Variants in ARID1B observed in about 807,000 individuals in gnomAD.
The protein encoded by ARID1B is AT-rich interactive domain-containing protein 1B.
Under a neutral mutation model 212.3 loss-of-function variants are expected in ARID1B, and 30 were observed. The ratio of observed to expected loss-of-function variants is 0.14; its 90% CI spans 0.11 to 0.19. The LOEUF is 0.19. Among genes scored for constraint, ARID1B ranks in the 10% least tolerant of loss-of-function variants. ARID1B has a pLI of 1.00. For synonymous variants in ARID1B, 1,402 were observed against 1,301.7 expected, an observed-to-expected ratio of 1.08 and a Z score of -1.66; for missense variants, 2,891 against 3,204.0, an observed-to-expected ratio of 0.90 and a Z score of 2.36.
At chr6:157,107,429 T>C (rs1293992017) in intron 5 of ARID1B, among the ~76,000 whole-genome samples, 1 of 152,154 alleles carries the variant, frequency 6.6e-6, no homozygotes, top group East Asian at 1.9e-4. Context: ...GCACTATTTT[T>C]ACAAGTTTTC....
At chr6:156,807,427 A>C (rs1233196413) in intron 1 of ARID1B, among the ~76,000 whole-genome samples, 3 of 147,840 alleles carry the variant, frequency 2.0e-5, no homozygotes, top group Non-Finnish European at 4.4e-5. Flanking sequence ...CCCCCACTAG[A>C]GTTTTGAGGT....
intron 1 of ARID1B, among the ~76,000 whole-genome samples, chr6:156,795,520 G>A (rs949897894): frequency 6.6e-6 from 1 of 152,190 alleles, no homozygotes; most frequent in Non-Finnish European, 1.5e-5. Context: ...AGACGGTAAT[G>A]CATAGTTAAA....
intron 2 of ARID1B, among the ~76,000 whole-genome samples, chr6:156,846,408 A>C (rs1363914100): frequency 5.3e-5 from 8 of 149,762 alleles, no homozygotes; most frequent in Non-Finnish European, 1.0e-4. Flanking sequence ...CTCGTGAACC[A>C]CCCGCCTCGG....
intron 3 of ARID1B, among the ~76,000 whole-genome samples, chr6:156,904,284 T>C (rs536287321): frequency 6.2e-4 from 95 of 152,356 alleles, no homozygotes; most frequent in Non-Finnish European, 1.2e-3. Flanking sequence ...CTTAAATATA[T>C]TTTCTAGAGA....
chr6:156,891,307 T>G (rs1440564828), intron 2 of ARID1B, among the ~76,000 whole-genome samples: 2 of 152,218 alleles, frequency 1.3e-5, no homozygotes, highest in Non-Finnish European at 2.9e-5. Context: ...TGCTTTTTGC[T>G]TTCCCATTTT....
At chr6:157,182,297 G>A (rs545712746) in intron 12 of ARID1B, among the ~76,000 whole-genome samples, 3 of 152,262 alleles carry the variant, frequency 2.0e-5, no homozygotes, top group South Asian at 2.1e-4. Flanking sequence ...CTGTAGCCCA[G>A]GGACACTCAC....
At chr6:156,983,271 T>A (rs907038318) in intron 4 of ARID1B, among the ~76,000 whole-genome samples, 6 of 151,992 alleles carry the variant, frequency 3.9e-5, no homozygotes, top group African/African-American at 1.2e-4. Flanking sequence ...GGCAGGCGCC[T>A]GTAATCCCAG....
intron 4 of ARID1B, chr6:157,036,746 T>C (rs768520419): frequency 1.9e-5 from 9 of 475,756 alleles, no homozygotes; most frequent in Middle Eastern, 3.1e-4. Context: ...GAACTCTCAA[T>C]TCTAGGCCAT....
chr6:157,149,050 G>C lies in ARID1B; in HGVS notation c.3089+99G>C, dbSNP rs1329820058. 7 of 1,256,362 alleles carry C rather than the reference G, an allele frequency of 5.6e-6. No individual in the cohort carries two copies. In the African/African-American group the frequency reaches 5.9e-5, roughly 11 times the overall value. The allele number at this position is 1,256,362 out of a possible 1,614,324, so 77.8% of individuals were successfully genotyped here. A position where few individuals can be genotyped will look rare whatever the true frequency, so the allele number is the denominator to read the frequency against. ...CTGCATTGTTCCCTGGGGTCACACAGAGCAGTAGAATGTCACTGTGCTTGG... is the reference window on the plus strand; with the variant it reads ...CTGCATTGTTCCCTGGGGTCACACACAGCAGTAGAATGTCACTGTGCTTGG... On this transcript the variant is annotated intron_variant, in intron 8 of 19. Transcript: ENST00000636930.
chr6:157,065,064 A>G (rs1783583013), intron 4 of ARID1B, among the ~76,000 whole-genome samples: 1 of 152,248 alleles, frequency 6.6e-6, no homozygotes, highest in African/African-American at 2.4e-5. Flanking sequence ...AAAGTAAGGA[A>G]GTAGTGTTTA....
intron 4 of ARID1B, among the ~76,000 whole-genome samples, chr6:157,075,064 TGG>T (rs1484080861): frequency 6.6e-6 from 1 of 152,196 alleles, no homozygotes; most frequent in Non-Finnish European, 1.5e-5. Flanking sequence ...TATTATAAAG[TGG>T]TTATATGCTC....
chr6:157,039,884 TTCCTTCCTTCC>T, intron 4 of ARID1B, among the ~76,000 whole-genome samples: 1 of 122,050 alleles, frequency 8.2e-6, no homozygotes, highest in African/African-American at 3.5e-5. Flanking sequence ...TTCTTTTCTC[TTCCTTCCTTCC>T]TTCCTTCCTT....
At chr6:157,036,585 C>T in intron 4 of ARID1B, 1 of 311,078 alleles carries the variant, frequency 3.2e-6, no homozygotes, top group Non-Finnish European at 6.3e-6. Context: ...ACTACGTCCA[C>T]ATGATGGCAG....
At chr6:156,888,833 C>T (rs937577872) in intron 2 of ARID1B, among the ~76,000 whole-genome samples, 6 of 152,144 alleles carry the variant, frequency 3.9e-5, no homozygotes, top group African/African-American at 1.2e-4. Flanking sequence ...TAGAGTTTTA[C>T]GAAGTCATGT....
Position 157,207,941 on chromosome 6 carries a change from T to A in ARID1B, c.*50T>A. ...TGAGTGAAGATTAGAGGGTCACATA[T>A]AACTGGCTGTTTTCTGTTCTTGTTT... On this transcript the variant is annotated 3_prime_UTR_variant, in exon 20 of 20. Transcript: ENST00000636930. This position sits in a 1 kb window ranked among gnomAD's most constrained non-coding sequence, Gnocchi z 8.5. 2.1e-6 allele frequency: 3 copies of A among 1,426,192 alleles called. No individual in the cohort carries two copies. Among genetic ancestry groups the A allele is most frequent in the Non-Finnish European group, 2.8e-6 (3 of 1,087,494 alleles). The allele number at this position is 1,426,192 out of a possible 1,614,324, so 88.3% of individuals were successfully genotyped here.
At chr6:157,144,649 G>A (rs1273759839) in intron 7 of ARID1B, among the ~76,000 whole-genome samples, 2 of 150,394 alleles carry the variant, frequency 1.3e-5, no homozygotes, top group East Asian at 1.9e-4. Flanking sequence ...GGGAAAAGTC[G>A]TGAGGACTGG....
Position 157,200,576 on chromosome 6 carries a change from GT to G in ARID1B, c.4480-127del, listed in dbSNP as rs1157565227. ...GAACATAAATTGTTAGTTCTCTGTTGTTATAGGAGCTTCCCATATTCATTTT... is the reference window on the plus strand; with the variant it reads ...GAACATAAATTGTTAGTTCTCTGTTGTATAGGAGCTTCCCATATTCATTTT... On this transcript the variant is annotated intron_variant, in intron 17 of 19. Transcript: ENST00000636930. This position sits in a 1 kb window ranked among gnomAD's most constrained non-coding sequence, Gnocchi z 4.3. The G allele has an allele frequency of 9.7e-7, 1 of 1,033,026 alleles. No individual in the cohort carries two copies. Among genetic ancestry groups the G allele is most frequent in the Non-Finnish European group, 1.4e-6 (1 of 725,068 alleles). 64.0% of individuals were successfully genotyped at this position (1,033,026 alleles called of 1,614,324 possible).
Position 156,897,218 on chromosome 6 carries a change from G to GCTGCTTCTTCTTCTT in ARID1B, c.1987-4156_1987-4155insGCTTCTTCTTCTTCT, listed in dbSNP as rs1554264583. ...TGCTGCTGCTGCTGCTGCTGCTGCT[G>GCTGCTTCTTCTTCTT]CTTCTTCTTCTTCTTCTTCTTCTTC... On this transcript the variant is annotated intron_variant, in intron 2 of 19. Transcript: ENST00000636930. 1.8e-3 allele frequency among the ~76,000 whole-genome samples: 164 copies of GCTGCTTCTTCTTCTT among 91,280 alleles called. 2 individuals carry two copies. Among genetic ancestry groups the GCTGCTTCTTCTTCTT allele is most frequent in the East Asian group, 4.8e-3 (13 of 2,726 alleles). 59.9% of individuals were successfully genotyped at this position (91,280 alleles called of 152,430 possible).
intron 7 of ARID1B, among the ~76,000 whole-genome samples, chr6:157,142,578 A>C (rs1789444783): frequency 6.6e-6 from 1 of 152,184 alleles, no homozygotes; most frequent in East Asian, 1.9e-4. Flanking sequence ...GTGAGCCGGG[A>C]TCACGTCACT....
Sources: gnomAD v4.1 joint callset for allele counts (sites outside exome capture counted in the v4.1 genomes callset) on GRCh38, gnomAD v4.1.1 for gene constraint, Gnocchi (gnomAD v3.1) non-coding constraint, MANE v1.5 for transcripts, NCBI Gene and HGNC (gene_info 2026-07-23, HGNC 2026-07-21) for gene names.